Variants in CSMD3 observed in about 807,000 individuals in gnomAD.
The protein encoded by CSMD3 is CUB and sushi domain-containing protein 3.
In CSMD3, 177 loss-of-function variants were observed where a neutral mutation model predicts 435.2. That is an observed-to-expected ratio of 0.41 (90% CI 0.36 to 0.46). The LOEUF is 0.46. Among genes scored for constraint, CSMD3 ranks in the 20% least tolerant of loss-of-function variants. The pLI, the probability that CSMD3 is intolerant of heterozygous loss-of-function variation, is 0.34. For synonymous variants in CSMD3, 1,656 were observed against 1,520.5 expected, an observed-to-expected ratio of 1.09 and a Z score of -2.07; for missense variants, 4,265 against 4,504.6, an observed-to-expected ratio of 0.95 and a Z score of 1.52.
At chr8:113,344,310 T>C (rs1043552880) in intron 1 of CSMD3, among the ~76,000 whole-genome samples, 4 of 152,148 alleles carry the variant, frequency 2.6e-5, no homozygotes, top group African/African-American at 7.2e-5. Context: ...TATTGCTTGC[T>C]GGTTGATTCA....
In CSMD3 at chr8:113,287,204, T is replaced by C. The variant is rs140679761; in HGVS notation, c.402-8500A>G. 2.5e-3 allele frequency among the ~76,000 whole-genome samples: 374 copies of C among 152,158 alleles called. 2 individuals are homozygous for C. The highest frequency in any genetic ancestry group is 8.7e-3 in the African/African-American group (362 of 41,524). ...AATACGACCAGCATAAGCACAGTGA[T>C]TTCACATTACTCACAGTAAGACTTT... On this transcript the variant is annotated intron_variant, in intron 2 of 70. Transcript: ENST00000297405.
chr8:112,287,451 GTTACT>G (rs1395755748), intron 57 of CSMD3, among the ~76,000 whole-genome samples: 3 of 152,000 alleles, frequency 2.0e-5, no homozygotes, highest in Non-Finnish European at 4.4e-5. Context: ...AGAGTACAGT[GTTACT>G]TTTTTATCAG....
At chr8:113,209,898 T>TA (rs1033404700) in intron 3 of CSMD3, among the ~76,000 whole-genome samples, 3 of 152,026 alleles carry the variant, frequency 2.0e-5, no homozygotes, top group African/African-American at 7.2e-5. Context: ...TACTTGCTTT[T>TA]AAAAAACCCA....
At chr8:113,142,138 G>A (rs1174584892) in intron 4 of CSMD3, among the ~76,000 whole-genome samples, 1 of 151,002 alleles carries the variant, frequency 6.6e-6, no homozygotes, top group African/African-American at 2.4e-5. Context: ...TAAGTAAATG[G>A]AGAGGCTGTA....
rs566955203 is a variant in CSMD3, at chr8:113,183,960, G to A, written c.515-10044C>T. ...AATTCAATTCTGACATTGTCTACCT[G>A]GCAATAGTATCAGATCTCATAGGTT... On this transcript the variant is annotated intron_variant, in intron 3 of 70. Transcript: ENST00000297405. Among the ~76,000 whole-genome samples, 5 of 152,042 alleles carry A rather than the reference G, an allele frequency of 3.3e-5. No homozygotes were observed. The East Asian group carries it at 9.7e-4, about 30-fold the overall frequency.
At chr8:112,637,843 C>G (rs2074704616) in intron 21 of CSMD3, among the ~76,000 whole-genome samples, 1 of 152,066 alleles carries the variant, frequency 6.6e-6, no homozygotes, top group African/African-American at 2.4e-5. Context: ...TGATAAAATA[C>G]TTTAATGATT....
intron 10 of CSMD3, among the ~76,000 whole-genome samples, chr8:112,920,902 C>CATATAT (rs146558665): frequency 8.8e-6 from 1 of 113,750 alleles, no homozygotes; most frequent in Non-Finnish European, 1.9e-5. Context: ...AATATTTTGC[C>CATATAT]ATATATATAT....
intron 66 of CSMD3, among the ~76,000 whole-genome samples, chr8:112,239,452 C>T (rs1236212505): frequency 6.6e-6 from 1 of 151,922 alleles, no homozygotes; most frequent in Non-Finnish European, 1.5e-5. Flanking sequence ...GTTATTAGAG[C>T]TATGTTGAGC....
intron 64 of CSMD3, among the ~76,000 whole-genome samples, chr8:112,245,087 G>A (rs1814592304): frequency 6.6e-6 from 1 of 151,762 alleles, no homozygotes; most frequent in South Asian, 2.1e-4. Context: ...TATTGCTCTG[G>A]TATTAATACT....
chr8:113,404,506 A>C (rs2094523964), intron 1 of CSMD3, among the ~76,000 whole-genome samples: 1 of 151,434 alleles, frequency 6.6e-6, no homozygotes, highest in African/African-American at 2.4e-5. Flanking sequence ...GCAAGTCCTC[A>C]ATCCATATCT....
At chr8:112,823,174 C>A (rs996120946) in intron 12 of CSMD3, among the ~76,000 whole-genome samples, 3 of 152,082 alleles carry the variant, frequency 2.0e-5, no homozygotes, top group African/African-American at 2.4e-5. Context: ...GGAGTCCCTC[C>A]ATTTCAACTC....
rs187381844 is a variant in CSMD3 at position 113,068,642 on chromosome 8, T to G, written c.917+30114A>C. 7.4e-4 allele frequency among the ~76,000 whole-genome samples: 112 copies of G among 152,228 alleles called. 1 individual carries two copies. Among genetic ancestry groups the G allele is most frequent in the African/African-American group, 2.6e-3 (106 of 41,560 alleles). ...GGAAGTACAAATTAAGAGGTCCTAT[T>G]AGATGACCAGAACTAAGCCTTCTGT... On this transcript the variant is annotated intron_variant, in intron 5 of 70. Transcript: ENST00000297405.
At chr8:113,263,375 T>C (rs1193567486) in intron 3 of CSMD3, among the ~76,000 whole-genome samples, 1 of 152,008 alleles carries the variant, frequency 6.6e-6, no homozygotes, top group Non-Finnish European at 1.5e-5. Context: ...CAATATTTAG[T>C]TTTCTGAATA....
chr8:113,040,079 G>C (rs1043193918), intron 5 of CSMD3, among the ~76,000 whole-genome samples: 1 of 152,148 alleles, frequency 6.6e-6, no homozygotes, highest in Non-Finnish European at 1.5e-5. Context: ...GGGTGGTACA[G>C]AGAGATATAT....
At chr8:112,795,566 G>T (rs552887220) in intron 13 of CSMD3, among the ~76,000 whole-genome samples, 3 of 152,046 alleles carry the variant, frequency 2.0e-5, no homozygotes, top group Admixed American at 2.0e-4. Context: ...GAATTTTGAG[G>T]GGTCCAATCT....
chr8:112,292,879 TA>T (rs1819912422), intron 54 of CSMD3, among the ~76,000 whole-genome samples, 169 bp from the exon 55 acceptor site: 1 of 152,108 alleles, frequency 6.6e-6, no homozygotes, highest in South Asian at 2.1e-4. Flanking sequence ...ATGAACAAAG[TA>T]GAATGTCAAA....
At chr8:113,333,997 A>G (rs2132791647) in intron 1 of CSMD3, among the ~76,000 whole-genome samples, 1 of 151,978 alleles carries the variant, frequency 6.6e-6, no homozygotes, top group South Asian at 2.1e-4. Context: ...ATGACTTGTT[A>G]AATTTAATCC....
chr8:113,065,844 T>C lies in CSMD3; in HGVS notation c.917+32912A>G, dbSNP rs529322159. Among the ~76,000 whole-genome samples the C allele has an allele frequency of 7.2e-4, 110 of 152,268 alleles. 1 individual carries two copies. The highest frequency in any genetic ancestry group is 1.2e-3 in the Admixed American group (19 of 15,290). The stretch of plus-strand genomic sequence containing the variant: ...AAACTTCAAGTCAATAGTTTTTATA[T>C]CACATGTAGAATGTACATGATATAT... On this transcript the variant is annotated intron_variant, in intron 5 of 70. Transcript: ENST00000297405.
chr8:112,874,941 T>C (rs1225287405), intron 10 of CSMD3, among the ~76,000 whole-genome samples: 1 of 152,144 alleles, frequency 6.6e-6, no homozygotes, highest in Non-Finnish European at 1.5e-5. Context: ...TTGTTATGTG[T>C]TAATTTGAAC....
Sources: gnomAD v4.1 joint callset for allele counts (sites outside exome capture counted in the v4.1 genomes callset) on GRCh38, gnomAD v4.1.1 for gene constraint, MANE v1.5 for transcripts, NCBI Gene and HGNC (gene_info 2026-07-23, HGNC 2026-07-21) for gene names.